The following PTPRK variants were observed in gnomAD, a reference collection of about 807,000 sequenced individuals.
The protein encoded by PTPRK is receptor-type tyrosine-protein phosphatase kappa.
Under a neutral mutation model 178.0 loss-of-function variants are expected in PTPRK, and 75 were observed. The ratio of observed to expected loss-of-function variants is 0.42; its 90% confidence interval spans 0.35 to 0.51. The LOEUF is 0.51. PTPRK is among the 20% of genes least tolerant of loss of function. The pLI is 0.02. For synonymous variants in PTPRK, 637 were observed against 620.6 expected (o/e 1.03, Z -0.39); for missense variants, 1,441 against 1,797.8 (o/e 0.80, Z 3.59).
At chr6:128,385,255 T>A (rs941890640) in intron 2 of PTPRK, among the ~76,000 whole-genome samples, 23 of 152,162 alleles carry the variant, frequency 1.5e-4, no homozygotes, top group African/African-American at 5.5e-4. Context: ...GGTCTTTTCT[T>A]CTAATCTGCC....
At chr6:128,057,415 C>T (rs1458008648) in intron 13 of PTPRK, among the ~76,000 whole-genome samples, 1 of 152,134 alleles carries the variant, frequency 6.6e-6, no homozygotes, top group East Asian at 1.9e-4. Context: ...CTAAATTGTG[C>T]AAATAATGTG....
intron 2 of PTPRK, among the ~76,000 whole-genome samples, chr6:128,376,891 G>A (rs562783522): frequency 1.1e-4 from 17 of 152,218 alleles, no homozygotes; most frequent in African/African-American, 3.1e-4. Context: ...CCTTTGCTCC[G>A]GTTCCCAACA....
chr6:128,274,008 G>A (rs753631407), intron 3 of PTPRK, among the ~76,000 whole-genome samples: 9 of 151,894 alleles, frequency 5.9e-5, no homozygotes, highest in Non-Finnish European at 1.2e-4. Flanking sequence ...TATTAATATG[G>A]TAAGAGTGAA....
At position 128,322,031 on chromosome 6, in the gene PTPRK, ATGAT is replaced by A; in HGVS notation, c.495+4_495+7del. On this transcript the variant is annotated splice_donor_5th_base_variant and intron_variant, in intron 3 of 29. Transcript: ENST00000368226. ...CAAAACATACACCAGAAAAGTACAGATGATTACCTGATATTCATTGGGCCAAAAG... is the reference window on the plus strand; with the variant it reads ...CAAAACATACACCAGAAAAGTACAGATACCTGATATTCATTGGGCCAAAAG... 2 of 1,613,864 alleles carry A rather than the reference ATGAT, an allele frequency of 1.2e-6. No individual in the cohort carries two copies. Among genetic ancestry groups the A allele is most frequent in the Non-Finnish European group, 1.7e-6 (2 of 1,179,880 alleles).
intron 7 of PTPRK, among the ~76,000 whole-genome samples, chr6:128,116,559 TG>T (rs1290100111): frequency 6.6e-6 from 1 of 152,120 alleles, no homozygotes; most frequent in Non-Finnish European, 1.5e-5. Flanking sequence ...ATCCAAAGCT[TG>T]GGTAAAAATA....
At chr6:128,506,479 G>A (rs1856360873) in intron 1 of PTPRK, among the ~76,000 whole-genome samples, 1 of 151,624 alleles carries the variant, frequency 6.6e-6, no homozygotes, top group Non-Finnish European at 1.5e-5. Context: ...TACATGGCAA[G>A]ACCCTGATCT....
intron 7 of PTPRK, among the ~76,000 whole-genome samples, chr6:128,135,018 C>A (rs916174515): frequency 3.3e-5 from 5 of 151,484 alleles, no homozygotes; most frequent in African/African-American, 1.2e-4. Flanking sequence ...GCACGCCCTG[C>A]AGATTTCAGA....
chr6:128,419,242 C>A (rs3822945), intron 1 of PTPRK, among the ~76,000 whole-genome samples: 63,727 of 152,036 alleles, frequency 0.42, 18,224 homozygotes, highest in African/African-American at 0.82. Flanking sequence ...CTACAGACCA[C>A]GGAAAGATTA....
At chr6:128,024,350 G>A (rs764144747) in intron 13 of PTPRK, among the ~76,000 whole-genome samples, 6 of 152,072 alleles carry the variant, frequency 3.9e-5, no homozygotes, top group Non-Finnish European at 5.9e-5. Flanking sequence ...TGTTGCTATG[G>A]CATCAACAAA....
intron 3 of PTPRK, among the ~76,000 whole-genome samples, chr6:128,303,481 T>C (rs1012497358): frequency 2.0e-5 from 3 of 152,246 alleles, no homozygotes. Context: ...GTTAGTGTAT[T>C]ACTCCTACTA....
chr6:128,075,854 G>A (rs1562536618), intron 11 of PTPRK, among the ~76,000 whole-genome samples: 1 of 151,980 alleles, frequency 6.6e-6, no homozygotes, highest in African/African-American at 2.4e-5. Context: ...CACTGGAGGT[G>A]GGATGAATAG....
chr6:128,211,139 T>C (rs1048310369), intron 6 of PTPRK, among the ~76,000 whole-genome samples: 22 of 152,072 alleles, frequency 1.4e-4, no homozygotes, highest in Admixed American at 1.0e-3. Flanking sequence ...TAAAAACAAG[T>C]ATCAGAGCTA....
chr6:128,374,142 T>C (rs1355605065), intron 2 of PTPRK, among the ~76,000 whole-genome samples: 1 of 152,188 alleles, frequency 6.6e-6, no homozygotes, highest in Non-Finnish European at 1.5e-5. Context: ...CAGAATTTAT[T>C]GATATATTTC....
At chr6:128,505,106 T>G (rs1411650834) in intron 1 of PTPRK, among the ~76,000 whole-genome samples, 1 of 143,704 alleles carries the variant, frequency 7.0e-6, no homozygotes, top group African/African-American at 2.5e-5. Flanking sequence ...GAAATTTACT[T>G]GTTTTTTTTT....
At chr6:128,248,789 T>C (rs1006087094) in intron 3 of PTPRK, among the ~76,000 whole-genome samples, 7 of 152,142 alleles carry the variant, frequency 4.6e-5, no homozygotes, top group African/African-American at 1.4e-4. Flanking sequence ...AAAATTTGAC[T>C]AAGGATAGAA....
At chr6:128,428,823 T>C (rs1410368483) in intron 1 of PTPRK, among the ~76,000 whole-genome samples, 1 of 152,202 alleles carries the variant, frequency 6.6e-6, no homozygotes, top group Non-Finnish European at 1.5e-5. Flanking sequence ...CATACAGCCA[T>C]CCTGTTTTTC....
chr6:128,220,169 G>GA (rs1810132899), intron 5 of PTPRK, among the ~76,000 whole-genome samples: 1 of 151,902 alleles, frequency 6.6e-6, no homozygotes, highest in African/African-American at 2.4e-5. Context: ...ATATAAAGGG[G>GA]AAAAAACAAG....
chr6:128,388,222 A>G (rs1839043818), intron 2 of PTPRK, among the ~76,000 whole-genome samples: 1 of 152,192 alleles, frequency 6.6e-6, no homozygotes, highest in Non-Finnish European at 1.5e-5. Context: ...CTTATAAGAC[A>G]TAAGGAGGAG....
At chr6:128,282,634 A>C (rs1342145847) in intron 3 of PTPRK, among the ~76,000 whole-genome samples, 3 of 152,210 alleles carry the variant, frequency 2.0e-5, no homozygotes, top group African/African-American at 7.2e-5. Flanking sequence ...ATCTCTACAA[A>C]TTTATGTATT....
Sources: gnomAD v4.1 joint callset for allele counts (sites outside exome capture counted in the v4.1 genomes callset) on GRCh38, gnomAD v4.1.1 for gene constraint, MANE v1.5 for transcripts, NCBI Gene and HGNC (gene_info 2026-07-23, HGNC 2026-07-21) for gene names.